Variants in STX5 observed in about 807,000 individuals in gnomAD.
The protein encoded by STX5 is syntaxin 5, also known as syntaxin-5.
Under a neutral mutation model 42.9 loss-of-function variants are expected in STX5, and 15 were observed. The observed-to-expected ratio is 0.35, with a 90% CI of 0.23 to 0.54. STX5 has a LOEUF of 0.54. STX5 is among the 20% of genes least tolerant of loss of function. The pLI is 0.91. For synonymous variants in STX5, 184 were observed against 173.2 expected (o/e 1.06, Z -0.49); for missense variants, 430 against 455.0 (o/e 0.95, Z 0.50).
At chr11:62,811,354 C>T (rs1199356652) in intron 10 of STX5, among the ~76,000 whole-genome samples, 1 of 152,190 alleles carries the variant, frequency 6.6e-6, no homozygotes, top group Non-Finnish European at 1.5e-5. Flanking sequence ...CTAATTCTCA[C>T]CCAGCATCAA....
intron 5 of STX5, among the ~76,000 whole-genome samples, chr11:62,825,993 G>A (rs1261084576): frequency 6.6e-6 from 1 of 152,190 alleles, no homozygotes; most frequent in African/African-American, 2.4e-5. Context: ...AATGGCTAAT[G>A]TCTGTAAACC....
At chr11:62,830,388 GAAAAAATTTT>G in intron 2 of STX5, 1 of 371,988 alleles carries the variant, frequency 2.7e-6, no homozygotes, top group Non-Finnish European at 5.4e-6. Flanking sequence ...CTGCCTGTAC[GAAAAAATTTT>G]AAAATTAGCT....
Position 62,825,318 on chromosome 11 carries a change from T to C in STX5, c.562A>G (p.Asn188Asp). Residue 188 changes from asparagine (N) to aspartate (D), a missense_variant, in exon 7 of 11, where the codon AAT (asparagine) becomes GAT (aspartate). By Grantham distance (23) the Asn-to-Asp change is conservative. Transcript: ENST00000294179. ...SLQSKLASMSNDFKSVLEVRT... is the reference protein window; with the variant it reads ...SLQSKLASMSDDFKSVLEVRT... ...ACTTCTAAAACCGATTTGAAGTCAT[T>C]GGACATAGAAGCCAGTTTCGACTAG... 1 of 1,614,188 alleles carries C rather than the reference T, an allele frequency of 6.2e-7. No homozygotes were observed. The highest frequency in any genetic ancestry group is 8.5e-7 in the Non-Finnish European group (1 of 1,180,040).
At chr11:62,830,064 CA>C (rs764798047) in intron 2 of STX5, among the ~76,000 whole-genome samples, 4,172 of 53,164 alleles carry the variant, frequency 0.078, 158 homozygotes, top group African/African-American at 0.18. Context: ...AATTCCTTCT[CA>C]AAAAAAAAAA....
chr11:62,808,473 C>G (rs1333452003), intron 10 of STX5, among the ~76,000 whole-genome samples: 9 of 151,666 alleles, frequency 5.9e-5, no homozygotes, highest in African/African-American at 2.2e-4. Flanking sequence ...GTATATGGAC[C>G]CTAGTTTTGG....
At chr11:62,829,091 AACAC>A (rs1017934121) in intron 2 of STX5, among the ~76,000 whole-genome samples, 1 of 150,494 alleles carries the variant, frequency 6.6e-6, no homozygotes, top group African/African-American at 2.5e-5. Context: ...CAAACAAACA[AACAC>A]AAACTGCTTA....
At chr11:62,827,536 C>T in intron 3 of STX5, 25 bp downstream of exon 3, 1 of 1,614,130 alleles carries the variant, frequency 6.2e-7, no homozygotes, top group Non-Finnish European at 8.5e-7. Flanking sequence ...TGTATCACCC[C>T]ACCAGAAAGC....
intron 10 of STX5, among the ~76,000 whole-genome samples, chr11:62,814,930 G>C (rs1003400769): frequency 2.0e-5 from 3 of 151,902 alleles, no homozygotes; most frequent in Non-Finnish European, 4.4e-5. Context: ...TAAACAGTTT[G>C]GGGACAACTG....
intron 10 of STX5, among the ~76,000 whole-genome samples, chr11:62,810,497 AG>A (rs1394395681): frequency 6.6e-6 from 1 of 152,206 alleles, no homozygotes; most frequent in Non-Finnish European, 1.5e-5. Context: ...CTACAGGTGA[AG>A]GGAATATGAG....
chr11:62,823,180 CT>C (rs71458442), intron 10 of STX5, among the ~76,000 whole-genome samples: 74 of 146,104 alleles, frequency 5.1e-4, no homozygotes, highest in Non-Finnish European at 5.8e-4. Flanking sequence ...TAGTCACTTT[CT>C]TTTTTTTTTT....
intron 10 of STX5, chr11:62,823,767 G>A (rs567605625): frequency 1.1e-5 from 2 of 177,216 alleles, no homozygotes; most frequent in Admixed American, 1.1e-4. Context: ...AACTGGTCTT[G>A]AATTCCTGAA....
intron 2 of STX5, chr11:62,830,342 T>TAGATCTC: frequency 3.2e-6 from 1 of 316,214 alleles, no homozygotes; most frequent in Non-Finnish European, 6.4e-6. Context: ...GGGCCAGGTG[T>TAGATCTC]GGTGTCCAGA....
chr11:62,832,013 T>G lies in STX5; in HGVS notation c.-79A>C, dbSNP rs904996343. The G allele has an allele frequency of 8.5e-6, 4 of 471,960 alleles. No individual in the cohort carries two copies. The highest frequency in any genetic ancestry group is 7.0e-5 in the Admixed American group (3 of 42,964). 29.2% of individuals were successfully genotyped at this position (471,960 alleles called of 1,614,324 possible). A position where few individuals can be genotyped will look rare whatever the true frequency, so the allele number is the denominator to read the frequency against. ...AATCTCACCGGCCGTCACTGCCTCC[T>G]CCCCGAGCACTGAAGCCGCCGAAAC... On this transcript the variant is annotated 5_prime_UTR_variant, in exon 1 of 11. Transcript: ENST00000294179.
chr11:62,807,872 G>A (rs1404675645), intron 10 of STX5: 22 of 600,290 alleles, frequency 3.7e-5, no homozygotes, highest in Admixed American at 3.3e-4. Context: ...TTCCTCACCG[G>A]CAAAATGAGG....
At chr11:62,824,670 A>G (rs946164773) in intron 8 of STX5, 105 bp from the exon 9 acceptor site, 7 of 1,069,506 alleles carry the variant, frequency 6.5e-6, no homozygotes, top group Admixed American at 4.1e-5. Context: ...TAGCCTTGTG[A>G]CCCTGGACAG....
chr11:62,825,559 A>C lies in STX5; in HGVS notation c.424-20T>G, dbSNP rs1039440379. 6.2e-7 allele frequency: 1 copy of C among 1,608,540 alleles called. No homozygotes were observed. Among genetic ancestry groups the C allele is most frequent in the South Asian group, 1.1e-5 (1 of 90,852 alleles). On this transcript the variant is annotated intron_variant, in intron 5 of 10. Coordinates refer to ENST00000294179, the MANE Select transcript of STX5 (RefSeq NM_003164.5). ...GATGTCCTGGTAAAAGAGTCCAAGG[A>C]AAAACAAAGTATTAGCCAAGGAGTC...
intron 10 of STX5, among the ~76,000 whole-genome samples, chr11:62,817,868 A>G (rs2084692627): frequency 6.6e-6 from 1 of 152,186 alleles, no homozygotes; most frequent in Non-Finnish European, 1.5e-5. Context: ...TGTACCTGGA[A>G]ACATATATAT....
rs2084561147 is a variant in STX5, at chr11:62,807,240, G to A, written c.*229C>T. 1 of 534,554 alleles carries A rather than the reference G, an allele frequency of 1.9e-6. No individual in the cohort carries two copies. The highest frequency in any genetic ancestry group is 3.1e-6 in the Non-Finnish European group (1 of 321,514). 33.1% of individuals were successfully genotyped at this position (534,554 alleles called of 1,614,324 possible). A position where few individuals can be genotyped will look rare whatever the true frequency, so the allele number is the denominator to read the frequency against. Reference sequence around the variant, plus strand: ...GCTCCCTTCCAGTCACTTCACAGCAGAGTTCAAATCTAGAACCCTGTGTGT... The same window carrying A: ...GCTCCCTTCCAGTCACTTCACAGCAAAGTTCAAATCTAGAACCCTGTGTGT... On this transcript the variant is annotated 3_prime_UTR_variant, in exon 11 of 11. Coordinates refer to ENST00000294179, the MANE Select transcript of STX5 (RefSeq NM_003164.5).
At chr11:62,814,110 C>T (rs578072978) in intron 10 of STX5, among the ~76,000 whole-genome samples, 2 of 152,096 alleles carry the variant, frequency 1.3e-5, no homozygotes, top group South Asian at 4.1e-4. Flanking sequence ...AATAAGACAA[C>T]CAATACATTA....
Sources: allele counts gnomAD v4.1 joint callset (sites outside exome capture counted in the v4.1 genomes callset), GRCh38; gene constraint gnomAD v4.1.1; transcripts MANE v1.5; gene names NCBI Gene and HGNC (gene_info 2026-07-23, HGNC 2026-07-21).